The following NRP2 variants were observed in gnomAD, a reference collection of about 807,000 sequenced individuals.
NRP2 encodes the protein neuropilin 2.
A neutral mutation model predicts 110.4 loss-of-function variants in NRP2; 52 were observed. That is an observed-to-expected ratio of 0.47 (90% CI 0.38 to 0.59). NRP2 has a LOEUF of 0.59. Ranked by LOEUF, NRP2 falls within the 20% of genes least tolerant of loss-of-function variation. NRP2 has a pLI of 0.00. For missense variants in NRP2, 1,049 were observed against 1,203.0 expected (o/e 0.87, Z 1.89); for synonymous variants, 508 against 468.9 (o/e 1.08, Z -1.08).
At chr2:205,734,399 G>GC (rs201261642) in intron 7 of NRP2, among the ~76,000 whole-genome samples, 19,118 of 90,406 alleles carry the variant, frequency 0.21, 1,282 homozygotes, top group Middle Eastern at 0.26. Flanking sequence ...ATTTCCCACC[G>GC]CCCCCCCCCA....
intron 10 of NRP2, among the ~76,000 whole-genome samples, chr2:205,747,709 G>A (rs2057563446): frequency 6.6e-6 from 1 of 152,142 alleles, no homozygotes; most frequent in Non-Finnish European, 1.5e-5. Flanking sequence ...ACTTGCCAGA[G>A]GTCACTCAGC....
intron 1 of NRP2, among the ~76,000 whole-genome samples, chr2:205,689,074 C>G (rs1053950723): frequency 6.6e-6 from 1 of 152,202 alleles, no homozygotes; most frequent in African/African-American, 2.4e-5. Context: ...AAACACATCT[C>G]TCATTGTTCA....
chr2:205,792,095 A>T, intron 15 of NRP2, 140 bp from the exon 16 acceptor site: 1 of 669,248 alleles, frequency 1.5e-6, no homozygotes, highest in South Asian at 1.6e-5. Context: ...TAATGTCCAT[A>T]ATGAATGATC....
intron 9 of NRP2, 46 bp from the exon 10 acceptor site, chr2:205,745,700 G>A: frequency 6.2e-7 from 1 of 1,612,692 alleles, no homozygotes; most frequent in Non-Finnish European, 8.5e-7. Context: ...AGGTGATAGG[G>A]ACTGGGTCCC....
At chr2:205,794,288 T>C (rs1226850911) in intron 16 of NRP2, among the ~76,000 whole-genome samples, 4 of 152,026 alleles carry the variant, frequency 2.6e-5, no homozygotes, top group Admixed American at 2.0e-4. Flanking sequence ...TTTTTTGTAT[T>C]TTTAGTAGAG....
chr2:205,707,617 G>A (rs2056707291), intron 2 of NRP2, among the ~76,000 whole-genome samples: 1 of 152,134 alleles, frequency 6.6e-6, no homozygotes, highest in African/African-American at 2.4e-5. Flanking sequence ...CCAGCAAAGA[G>A]GAATAGAAAA....
chr2:205,700,588 G>T, intron 2 of NRP2: 1 of 395,040 alleles, frequency 2.5e-6, no homozygotes, highest in Middle Eastern at 3.6e-4. Flanking sequence ...TGTGGCCCCT[G>T]GGCCCTTGGC....
intron 15 of NRP2, among the ~76,000 whole-genome samples, chr2:205,782,398 G>C (rs1192312118): frequency 6.6e-6 from 1 of 152,126 alleles, no homozygotes; most frequent in Non-Finnish European, 1.5e-5. Flanking sequence ...ATACAGGGAG[G>C]CTGCTGGAGG....
chr2:205,735,073 C>A (rs989707455), intron 7 of NRP2, among the ~76,000 whole-genome samples: 1 of 152,172 alleles, frequency 6.6e-6, no homozygotes, highest in Admixed American at 6.5e-5. Context: ...GGTGAAACAG[C>A]CAGCCGTGTC....
At chr2:205,724,646 A>G (rs149570933) in intron 5 of NRP2, among the ~76,000 whole-genome samples, 1 of 149,466 alleles carries the variant, frequency 6.7e-6, no homozygotes, top group Non-Finnish European at 1.5e-5. Flanking sequence ...TAAAAACCCA[A>G]ACGATAACTT....
At chr2:205,783,600 G>A (rs1295559833) in intron 15 of NRP2, among the ~76,000 whole-genome samples, 1 of 152,220 alleles carries the variant, frequency 6.6e-6, no homozygotes, top group Admixed American at 6.5e-5. Context: ...TTCCTTCTGA[G>A]GAAGTTCAGG....
In NRP2 at chr2:205,792,415, T is replaced by C. The variant is rs1279247301; in HGVS notation, c.2476+130T>C. The C allele has an allele frequency of 5.7e-6, 4 of 697,506 alleles. No individual in the cohort carries two copies. The East Asian group carries it at 1.0e-4, about 18-fold the overall frequency. The allele number at this position is 697,506 out of a possible 1,614,324, so 43.2% of individuals were successfully genotyped here. On this transcript the variant is annotated intron_variant, in intron 16 of 16. Coordinates refer to ENST00000357785, the MANE Select transcript of NRP2 (RefSeq NM_003872.3). Reference sequence around the variant, plus strand: ...TATCAGTCAGAAATATATAAAAGAATCTGGAGAAAAATGAGGGAACCATCA... The same window carrying C: ...TATCAGTCAGAAATATATAAAAGAACCTGGAGAAAAATGAGGGAACCATCA...
intron 9 of NRP2, 32 bp from the exon 10 acceptor site, chr2:205,745,714 C>T: frequency 6.2e-7 from 1 of 1,613,582 alleles, no homozygotes. Flanking sequence ...GGGTCCCACA[C>T]CAGAAGGGCT....
intron 16 of NRP2, 138 bp from the exon 17 acceptor site, chr2:205,794,616 T>G (rs2058335171): frequency 2.2e-6 from 2 of 904,340 alleles, no homozygotes; most frequent in African/African-American, 3.3e-5. Flanking sequence ...AGGCTGGGCT[T>G]TGAACCCAGG....
chr2:205,699,868 C>G (rs970127398), intron 2 of NRP2, among the ~76,000 whole-genome samples: 1 of 152,186 alleles, frequency 6.6e-6, no homozygotes, highest in Non-Finnish European at 1.5e-5. Context: ...GTCTGTTTCT[C>G]CCAGTGCCAA....
Position 205,709,112 on chromosome 2 carries a change from C to T in NRP2, c.252-7081C>T, listed in dbSNP as rs566988584. Among the ~76,000 whole-genome samples the T allele has an allele frequency of 4.6e-5, 7 of 152,260 alleles. No homozygotes were observed. The South Asian group carries it at 1.0e-3, about 23-fold the overall frequency. ...GCTATCTAAGACAGCAGATGGAGGA[C>T]GGGTGGTTTTGAACATAGCCTGGGC... On this transcript the variant is annotated intron_variant, in intron 2 of 16. Coordinates refer to ENST00000357785, the MANE Select transcript of NRP2 (RefSeq NM_003872.3).
intron 15 of NRP2, among the ~76,000 whole-genome samples, chr2:205,785,717 T>C (rs2058228836): frequency 6.6e-6 from 1 of 152,242 alleles, no homozygotes; most frequent in African/African-American, 2.4e-5. Flanking sequence ...GGAGACATTC[T>C]GGCCTCAGCT....
chr2:205,703,737 T>C (rs780687384), intron 2 of NRP2, among the ~76,000 whole-genome samples: 4 of 152,166 alleles, frequency 2.6e-5, no homozygotes, highest in African/African-American at 9.6e-5. Flanking sequence ...GCTGGTGTCA[T>C]AGGCAGACAG....
intron 3 of NRP2, among the ~76,000 whole-genome samples, chr2:205,717,393 G>A (rs1413789649): frequency 1.3e-5 from 2 of 152,202 alleles, no homozygotes; most frequent in Non-Finnish European, 2.9e-5. Context: ...AGTTCAGTGT[G>A]AGGGGAACTA....
Sources: allele counts gnomAD v4.1 joint callset (sites outside exome capture counted in the v4.1 genomes callset), GRCh38; gene constraint gnomAD v4.1.1; transcripts MANE v1.5; gene names NCBI Gene and HGNC (gene_info 2026-07-23, HGNC 2026-07-21).